The following NTRK3 variants were observed in gnomAD, a reference collection of about 807,000 sequenced individuals.
The protein encoded by NTRK3 is neurotrophic receptor tyrosine kinase 3.
In NTRK3, 24 loss-of-function variants were observed where a neutral mutation model predicts 91.7. The observed-to-expected ratio is 0.26, with a 90% CI of 0.19 to 0.37. The LOEUF (loss-of-function observed/expected upper bound fraction) is 0.37. Ranked by LOEUF, NTRK3 falls within the 10% of genes least tolerant of loss-of-function variation. The probability of loss-of-function intolerance (pLI) is 1.00; values close to 1 mark genes in which losing one functional copy is unlikely to be tolerated. For synonymous variants in NTRK3, 483 were observed against 404.0 expected (o/e 1.20, Z -2.34); for missense variants, 880 against 1,068.9 (o/e 0.82, Z 2.46).
At chr15:87,978,240 G>C (rs935166136) in intron 14 of NTRK3, 1 of 231,112 alleles carries the variant, frequency 4.3e-6, no homozygotes, top group South Asian at 1.8e-4. Context: ...CTTTGGGAGA[G>C]GGTGGCCATG....
chr15:88,035,272 C>T (rs1006051056), intron 13 of NTRK3, among the ~76,000 whole-genome samples: 4 of 152,206 alleles, frequency 2.6e-5, no homozygotes, highest in South Asian at 4.2e-4. Flanking sequence ...AGGCTCCAGG[C>T]GGGAACAAGG....
At position 87,916,641 on chromosome 15, in the gene NTRK3, C is replaced by A. The variant is rs79247406; in HGVS notation, c.2133+12550G>T. 3.8e-3 allele frequency: 2,682 copies of A among 697,472 alleles called. 50 individuals are homozygous for A. The African/African-American group carries it at 0.042, about 11-fold the overall frequency. The allele number at this position is 697,472 out of a possible 1,614,324, so 43.2% of individuals were successfully genotyped here. A position where few individuals can be genotyped will look rare whatever the true frequency, so the allele number is the denominator to read the frequency against. On this transcript the variant is annotated intron_variant, in intron 17 of 18. Coordinates refer to ENST00000394480, the Ensembl canonical transcript of NTRK3. Reference sequence around the variant, plus strand: ...GTTTAGGAGATAACTAGAAACCACCCTCAGAAATAGGTTATTATTTTTTGG... The same window carrying A: ...GTTTAGGAGATAACTAGAAACCACCATCAGAAATAGGTTATTATTTTTTGG...
chr15:87,975,668 C>A (rs1260320770), intron 14 of NTRK3, among the ~76,000 whole-genome samples: 1 of 152,160 alleles, frequency 6.6e-6, no homozygotes, highest in South Asian at 2.1e-4. Flanking sequence ...GACTTCAACA[C>A]CTAGCAGTAA....
chr15:87,950,692 T>C (rs1227675604), intron 14 of NTRK3, among the ~76,000 whole-genome samples: 1 of 152,198 alleles, frequency 6.6e-6, no homozygotes, highest in Admixed American at 6.5e-5. Flanking sequence ...GCCATGAGGA[T>C]TCAGTGAAAT....
At chr15:87,952,129 AAG>A (rs1164735786) in intron 14 of NTRK3, among the ~76,000 whole-genome samples, 2 of 152,076 alleles carry the variant, frequency 1.3e-5, no homozygotes, top group Non-Finnish European at 2.9e-5. Context: ...TCCATTTCAA[AAG>A]AAAGAAAAGA....
intron 18 of NTRK3, among the ~76,000 whole-genome samples, chr15:87,879,874 G>A (rs2065146852): frequency 6.6e-6 from 1 of 152,080 alleles, no homozygotes; most frequent in African/African-American, 2.4e-5. Flanking sequence ...CCTGGGCTTG[G>A]CATACCTAAA....
Position 88,132,444 on chromosome 15 carries a change from C to A in NTRK3, c.1204+2657G>T, listed in dbSNP as rs568662001. ...TGATTGTCCTCCATCTAGTACTGGCCTTGCACTAAGCCCCATGCTAGGAGC... is the reference window on the plus strand; with the variant it reads ...TGATTGTCCTCCATCTAGTACTGGCATTGCACTAAGCCCCATGCTAGGAGC... On this transcript the variant is annotated intron_variant, in intron 10 of 18. Coordinates refer to ENST00000394480, the Ensembl canonical transcript of NTRK3. Among the ~76,000 whole-genome samples, 18 of 152,310 alleles carry A rather than the reference C, an allele frequency of 1.2e-4. No individual in the cohort carries two copies. In the South Asian group the frequency reaches 3.7e-3, roughly 32 times the overall value.
At chr15:88,131,895 G>C (rs2041391051) in intron 10 of NTRK3, 1 of 191,328 alleles carries the variant, frequency 5.2e-6, no homozygotes, top group African/African-American at 2.3e-5. Flanking sequence ...CCTCACCTCT[G>C]ACTGCACCAG....
chr15:88,220,203 T>C (rs1484007958), intron 3 of NTRK3, among the ~76,000 whole-genome samples: 2 of 152,162 alleles, frequency 1.3e-5, no homozygotes, highest in African/African-American at 4.8e-5. Flanking sequence ...GAGCCACATG[T>C]AGGAACCCTG....
chr15:88,079,320 T>C (rs891965375), intron 13 of NTRK3, among the ~76,000 whole-genome samples: 2 of 152,184 alleles, frequency 1.3e-5, no homozygotes, highest in Admixed American at 6.5e-5. Flanking sequence ...CTCACACACA[T>C]TAGAGCTTTT....
intron 13 of NTRK3, among the ~76,000 whole-genome samples, chr15:88,073,371 A>G (rs903597599): frequency 3.3e-5 from 5 of 152,212 alleles, no homozygotes; most frequent in Admixed American, 6.5e-5. Context: ...CAGCAGCAGC[A>G]TCACCTGGAA....
At chr15:88,135,716 T>C (rs1481379741) in intron 9 of NTRK3, among the ~76,000 whole-genome samples, 183 bp downstream of exon 9, 1 of 152,210 alleles carries the variant, frequency 6.6e-6, no homozygotes, top group Non-Finnish European at 1.5e-5. Flanking sequence ...ACAAAGGTGC[T>C]CTTTCTGGGG....
chr15:88,039,118 AACACACACACACACACAC>A (rs66499066), intron 13 of NTRK3, among the ~76,000 whole-genome samples: 5 of 139,308 alleles, frequency 3.6e-5, no homozygotes, highest in South Asian at 2.4e-4. Context: ...TTGAGCCCTC[AACACACACACACACACAC>A]ACACACACAC....
chr15:87,879,679 T>C (rs894635141), intron 18 of NTRK3, among the ~76,000 whole-genome samples: 7 of 152,244 alleles, frequency 4.6e-5, no homozygotes, highest in Admixed American at 2.6e-4. Flanking sequence ...GCATTTTTTA[T>C]TATTGCAAAT....
Position 88,241,463 on chromosome 15 carries a change from G to A in NTRK3, c.248+14443C>T, listed in dbSNP as rs749667356. Among the ~76,000 whole-genome samples, 18 of 152,102 alleles carry A rather than the reference G, an allele frequency of 1.2e-4. No homozygotes were observed. The highest frequency in any genetic ancestry group is 8.5e-4 in the Admixed American group (13 of 15,280). Reference sequence around the variant, plus strand: ...ACATGACCCCGGAAAATGAACCCTAGATGCAAATCAGGGAGTCATGAGGTC... The same window carrying A: ...ACATGACCCCGGAAAATGAACCCTAAATGCAAATCAGGGAGTCATGAGGTC... On this transcript the variant is annotated intron_variant, in intron 3 of 18. Transcript: ENST00000394480. This position sits in a 1 kb window ranked among gnomAD's most constrained non-coding sequence, Gnocchi z 4.3.
At chr15:88,043,072 C>A (rs2142161152) in intron 13 of NTRK3, among the ~76,000 whole-genome samples, 1 of 152,290 alleles carries the variant, frequency 6.6e-6, no homozygotes, top group Non-Finnish European at 1.5e-5. Flanking sequence ...AAACTCCAAA[C>A]CCACAACTGT....
At chr15:88,032,757 T>C (rs2078666067) in intron 14 of NTRK3, 100 bp downstream of exon 14, 1 of 1,319,966 alleles carries the variant, frequency 7.6e-7, no homozygotes, top group African/African-American at 1.4e-5. Context: ...GGTTGGCAGG[T>C]AGCAGGTCAC....
intron 13 of NTRK3, among the ~76,000 whole-genome samples, chr15:88,095,359 G>C (rs1183404899): frequency 6.6e-6 from 1 of 152,218 alleles, no homozygotes; most frequent in African/African-American, 2.4e-5. Flanking sequence ...CTGAGCCAAA[G>C]CTTTCTGAAC....
chr15:88,017,643 C>T (rs2077329915), intron 14 of NTRK3, among the ~76,000 whole-genome samples: 1 of 152,132 alleles, frequency 6.6e-6, no homozygotes, highest in Non-Finnish European at 1.5e-5. Flanking sequence ...CATCCCACCC[C>T]TAGCCACCCC....
Sources: allele counts gnomAD v4.1 joint callset (sites outside exome capture counted in the v4.1 genomes callset), GRCh38; gene constraint gnomAD v4.1.1; non-coding constraint Gnocchi (gnomAD v3.1); transcripts MANE v1.5; gene names NCBI Gene and HGNC (gene_info 2026-07-23, HGNC 2026-07-21).